The following DYTN variants were observed in gnomAD, a reference collection of about 807,000 sequenced individuals.
DYTN encodes dystrotelin.
A neutral mutation model predicts 69.6 loss-of-function variants in DYTN; 75 were observed. The ratio of observed to expected loss-of-function variants is 1.08; its 90% CI spans 0.89 to 1.31. The LOEUF (loss-of-function observed/expected upper bound fraction) is 1.31. Ranked by LOEUF, DYTN falls within the 50% of genes most tolerant of loss-of-function variation. The pLI is 0.00. For missense variants in DYTN, 726 were observed against 688.4 expected, an observed-to-expected ratio of 1.05 and a Z score of -0.61; for synonymous variants, 252 against 249.1, an observed-to-expected ratio of 1.01 and a Z score of -0.11.
In DYTN at chr2:206,700,133, C is replaced by T; in HGVS notation, c.555+12G>A. 7 of 1,613,820 alleles carry T rather than the reference C, an allele frequency of 4.3e-6. No homozygotes were observed. The highest frequency in any genetic ancestry group is 5.9e-6 in the Non-Finnish European group (7 of 1,179,738). ...CTGTCCCCAACTCCAGGGACATTTG[C>T]AAGGCACTCACCCCTTGGAAACAGC... On this transcript the variant is annotated intron_variant, in intron 6 of 11. Coordinates refer to ENST00000452335, the MANE Select transcript of DYTN (RefSeq NM_001093730.1).
At chr2:206,672,358 A>G (rs1056264869) in intron 9 of DYTN, among the ~76,000 whole-genome samples, 3 of 152,236 alleles carry the variant, frequency 2.0e-5, no homozygotes, top group Admixed American at 2.0e-4. Flanking sequence ...TTCCTCCCTC[A>G]GAACAAATGG....
intron 2 of DYTN, among the ~76,000 whole-genome samples, chr2:206,708,022 T>C (rs1417068602): frequency 6.6e-6 from 1 of 152,228 alleles, no homozygotes; most frequent in African/African-American, 2.4e-5. Context: ...AAAGAGCAGT[T>C]ACTCTTCTGT....
At chr2:206,672,902 C>T (rs1699644932) in intron 9 of DYTN, among the ~76,000 whole-genome samples, 1 of 152,162 alleles carries the variant, frequency 6.6e-6, no homozygotes, top group African/African-American at 2.4e-5. Flanking sequence ...AGTTCACTCC[C>T]CCATCTTATT....
chr2:206,669,383 G>C (rs566011120), intron 9 of DYTN, among the ~76,000 whole-genome samples: 1 of 152,254 alleles, frequency 6.6e-6, no homozygotes, highest in African/African-American at 2.4e-5. Flanking sequence ...TTGGTATCAT[G>C]TCACACACAC....
rs575284198 is a variant in DYTN, at chr2:206,673,246, G to C, written c.981-7217C>G. ...CATTTTACTGACATATGCATGCATT[G>C]GTTCTCCTATTTTTTATTTTTTTAT... On this transcript the variant is annotated intron_variant, in intron 9 of 11. Transcript: ENST00000452335. Among the ~76,000 whole-genome samples the C allele has an allele frequency of 3.9e-5, 6 of 152,074 alleles. No individual in the cohort carries two copies. In the South Asian group the frequency reaches 6.2e-4, roughly 16 times the overall value.
rs777509506 is a variant in DYTN at position 206,700,196 on chromosome 2, C to T, written c.504G>A (p.Glu168=). 2 of 1,613,928 alleles carry T rather than the reference C, an allele frequency of 1.2e-6. No individual in the cohort carries two copies. Among genetic ancestry groups the T allele is most frequent in the African/African-American group, 1.3e-5 (1 of 75,066 alleles). The stretch of plus-strand genomic sequence containing the variant: ...TTTCCACAGGGCACAGAGCACGACT[C>T]TCTCCCACGAAAGTTGGGATCTGCA... The part of the protein sequence containing the change: ...DLQQIPTFVG[E]SRALCPVESA... Residue 168 remains glutamate, a synonymous_variant, in exon 6 of 12, where the codon GAG becomes GAA. Transcript: ENST00000452335.
At chr2:206,657,150 G>T (rs1301537859) in intron 11 of DYTN, among the ~76,000 whole-genome samples, 1 of 152,070 alleles carries the variant, frequency 6.6e-6, no homozygotes, top group African/African-American at 2.4e-5. Context: ...GGATCTTGTT[G>T]TCTTGCCCAG....
intron 9 of DYTN, among the ~76,000 whole-genome samples, chr2:206,680,897 T>C (rs1429142461): frequency 6.6e-6 from 1 of 152,190 alleles, no homozygotes; most frequent in Non-Finnish European, 1.5e-5. Context: ...AAATTTAAAA[T>C]AGTTTTTTCT....
intron 11 of DYTN, among the ~76,000 whole-genome samples, chr2:206,652,999 T>G (rs1391173843): frequency 6.6e-6 from 1 of 152,236 alleles, no homozygotes; most frequent in African/African-American, 2.4e-5. Flanking sequence ...GTTAGTTGTT[T>G]ACTTTATAGC....
intron 5 of DYTN, among the ~76,000 whole-genome samples, chr2:206,702,314 C>A (rs1362780714): frequency 6.6e-6 from 1 of 152,260 alleles, no homozygotes; most frequent in African/African-American, 2.4e-5. Flanking sequence ...ACAGCACAGG[C>A]TGTCAGCAGG....
At chr2:206,672,745 T>C (rs1011624770) in intron 9 of DYTN, among the ~76,000 whole-genome samples, 1 of 152,182 alleles carries the variant, frequency 6.6e-6, no homozygotes, top group Non-Finnish European at 1.5e-5. Flanking sequence ...CTGATTATGA[T>C]TGCACGAAAG....
At chr2:206,653,605 C>T (rs935163692) in intron 11 of DYTN, among the ~76,000 whole-genome samples, 1 of 152,128 alleles carries the variant, frequency 6.6e-6, no homozygotes, top group Non-Finnish European at 1.5e-5. Flanking sequence ...GTTTTTTAGT[C>T]TATGTTCACT....
At chr2:206,683,339 CTTTTTTTT>C (rs10531348) in intron 9 of DYTN, among the ~76,000 whole-genome samples, 5 of 111,946 alleles carry the variant, frequency 4.5e-5, no homozygotes, top group Admixed American at 9.7e-5. Flanking sequence ...TTTACTTTTT[CTTTTTTTT>C]TTTTTTTTTT....
At chr2:206,716,676 G>A (rs1173334054) in intron 1 of DYTN, among the ~76,000 whole-genome samples, 1 of 152,028 alleles carries the variant, frequency 6.6e-6, no homozygotes, top group East Asian at 1.9e-4. Context: ...TTGAGAGTAG[G>A]CATAATAGGG....
chr2:206,693,314 T>C lies in DYTN; in HGVS notation c.841A>G (p.Met281Val), dbSNP rs1217844560. The stretch of plus-strand genomic sequence containing the variant: ...CTGAAGAGAAGTTTTGTATTCTGCA[T>C]TGCTGACATCTGCTGAAAGGGCCAA... ...VIEHCIQMSA[M>V]QNTKLLFRTL... Residue 281 changes from methionine to valine, a missense_variant, in exon 9 of 12, where the codon ATG (methionine) becomes GTG (valine). Coordinates refer to ENST00000452335, the MANE Select transcript of DYTN (RefSeq NM_001093730.1). 3.1e-6 allele frequency: 5 copies of C among 1,612,284 alleles called. No individual in the cohort carries two copies. Among genetic ancestry groups the C allele is most frequent in the Non-Finnish European group, 4.2e-6 (5 of 1,179,838 alleles).
intron 9 of DYTN, among the ~76,000 whole-genome samples, chr2:206,668,948 T>C (rs1474657567): frequency 6.6e-6 from 1 of 152,198 alleles, no homozygotes; most frequent in African/African-American, 2.4e-5. Context: ...CTCCTTTGCC[T>C]TCCACCATGA....
chr2:206,679,833 AC>A (rs1020290486), intron 9 of DYTN, among the ~76,000 whole-genome samples: 1 of 152,180 alleles, frequency 6.6e-6, no homozygotes. Context: ...GAATAGGGTG[AC>A]CCACAGTTTC....
chr2:206,660,178 A>G (rs1379419247), intron 11 of DYTN, among the ~76,000 whole-genome samples: 6 of 152,334 alleles, frequency 3.9e-5, no homozygotes, highest in East Asian at 1.9e-4. Context: ...ACAAGATTTG[A>G]TAATGCTAAT....
At chr2:206,664,317 G>A (rs753964871) in intron 10 of DYTN, among the ~76,000 whole-genome samples, 1 of 152,116 alleles carries the variant, frequency 6.6e-6, no homozygotes, top group Non-Finnish European at 1.5e-5. Context: ...TGAACAAAGC[G>A]AGAATGTCAC....
Sources: gnomAD v4.1 joint callset for allele counts (sites outside exome capture counted in the v4.1 genomes callset) on GRCh38, gnomAD v4.1.1 for gene constraint, MANE v1.5 for transcripts, NCBI Gene and HGNC (gene_info 2026-07-23, HGNC 2026-07-21) for gene names.